ANO3: variants seen among roughly 807,000 people sequenced by gnomAD.
ANO3 encodes the protein anoctamin 3.
In ANO3, 99 loss-of-function variants were observed where a neutral mutation model predicts 144.8. The observed-to-expected ratio is 0.68, with a 90% CI of 0.58 to 0.81. ANO3 has a LOEUF of 0.81. Ranked by LOEUF, ANO3 falls within the 30% of genes least tolerant of loss-of-function variation. ANO3 has a pLI of 0.00. For synonymous variants in ANO3, 414 were observed against 392.6 expected, an observed-to-expected ratio of 1.05 and a Z score of -0.64; for missense variants, 905 against 1,202.2, an observed-to-expected ratio of 0.75 and a Z score of 3.66.
chr11:26,583,872 G>A (rs1851202086), intron 14 of ANO3, among the ~76,000 whole-genome samples: 1 of 152,082 alleles, frequency 6.6e-6, no homozygotes, highest in African/African-American at 2.4e-5. Context: ...GTTTCAACTG[G>A]GCCTTCTTTT....
At chr11:26,240,616 C>T (rs1460360965) in intron 1 of ANO3, among the ~76,000 whole-genome samples, 2 of 152,162 alleles carry the variant, frequency 1.3e-5, no homozygotes, top group East Asian at 3.9e-4. Context: ...TCAAGCTTTG[C>T]TAAAATGTAC....
intron 10 of ANO3, among the ~76,000 whole-genome samples, chr11:26,538,945 A>ATC (rs1849576958): frequency 1.3e-5 from 2 of 152,110 alleles, no homozygotes; most frequent in African/African-American, 4.8e-5. Context: ...GATTTGATTA[A>ATC]GGATAGTTCA....
chr11:26,598,207 A>C (rs904336026), intron 14 of ANO3, among the ~76,000 whole-genome samples, 158 bp from the exon 15 acceptor site: 1 of 152,192 alleles, frequency 6.6e-6, no homozygotes, highest in Non-Finnish European at 1.5e-5. Flanking sequence ...CTAATTAATG[A>C]TGTATAAACA....
At chr11:26,269,161 G>A (rs576667596) in intron 1 of ANO3, among the ~76,000 whole-genome samples, 1 of 152,210 alleles carries the variant, frequency 6.6e-6, no homozygotes, top group East Asian at 1.9e-4. Context: ...TACACTTCAG[G>A]ACTCAGCTCC....
chr11:26,449,874 C>G (rs933481966), intron 3 of ANO3, among the ~76,000 whole-genome samples: 5 of 151,978 alleles, frequency 3.3e-5, no homozygotes, highest in Admixed American at 3.3e-4. Context: ...CCTGCCTCAG[C>G]CTCCCGAGTA....
intron 4 of ANO3, among the ~76,000 whole-genome samples, chr11:26,469,939 T>A (rs561727827): frequency 3.1e-4 from 47 of 152,046 alleles, no homozygotes; most frequent in African/African-American, 1.1e-3. Flanking sequence ...CAGTATTAGG[T>A]TTTGTTGTAC....
intron 1 of ANO3, among the ~76,000 whole-genome samples, chr11:26,368,896 T>C (rs1856170274): frequency 6.6e-6 from 1 of 152,148 alleles, no homozygotes; most frequent in African/African-American, 2.4e-5. Context: ...ATGTTTATAA[T>C]ATGAATATAA....
chr11:26,501,382 T>C (rs1326224100), intron 4 of ANO3, among the ~76,000 whole-genome samples: 1 of 152,092 alleles, frequency 6.6e-6, no homozygotes, highest in Non-Finnish European at 1.5e-5. Flanking sequence ...ACCTACTAAA[T>C]GGGTATAGCA....
intron 1 of ANO3, among the ~76,000 whole-genome samples, chr11:26,243,153 GT>G (rs1852697673): frequency 6.6e-6 from 1 of 152,138 alleles, no homozygotes; most frequent in Non-Finnish European, 1.5e-5. Flanking sequence ...GATATGGCCA[GT>G]GAAATCTCTA....
chr11:26,601,184 A>G (rs1358462331), intron 17 of ANO3, among the ~76,000 whole-genome samples: 1 of 152,254 alleles, frequency 6.6e-6, no homozygotes, highest in East Asian at 1.9e-4. Context: ...GATAATTTAT[A>G]TGATATAGCT....
At chr11:26,447,076 G>A (rs566048021) in intron 3 of ANO3, among the ~76,000 whole-genome samples, 1 of 151,960 alleles carries the variant, frequency 6.6e-6, no homozygotes, top group East Asian at 1.9e-4. Flanking sequence ...AAGCACGGTG[G>A]CACGACTGTA....
In ANO3 at chr11:26,332,225, C is replaced by A; in HGVS notation, c.-51C>A. 6 of 1,613,988 alleles carry A rather than the reference C, an allele frequency of 3.7e-6. No homozygotes were observed. Among genetic ancestry groups the A allele is most frequent in the Non-Finnish European group, 5.1e-6 (6 of 1,179,986 alleles). The stretch of plus-strand genomic sequence containing the variant: ...GTCTAGAGTCTGGCTACTGTTCCTC[C>A]GCCTCCCTCTCGGGCAGCTCCCTAA... On this transcript the variant is annotated 5_prime_UTR_variant, in exon 1 of 27. Coordinates refer to ENST00000256737, the MANE Select transcript of ANO3 (RefSeq NM_031418.4).
Position 26,373,546 on chromosome 11 carries a change from A to G in ANO3, c.46+41225A>G, listed in dbSNP as rs60808576. On this transcript the variant is annotated intron_variant, in intron 1 of 26. Coordinates refer to ENST00000256737, the MANE Select transcript of ANO3 (RefSeq NM_031418.4). ...TTAGGTATTTCTTTATATCAGTGTG[A>G]AAACAGATGAATACATCAGGTAATA... Among the ~76,000 whole-genome samples, 27 of 152,316 alleles carry G rather than the reference A, an allele frequency of 1.8e-4. No homozygotes were observed. In the East Asian group the frequency reaches 5.0e-3, roughly 28 times the overall value.
At chr11:26,324,553 A>C (rs1854838367) in intron 1 of ANO3, among the ~76,000 whole-genome samples, 1 of 152,274 alleles carries the variant, frequency 6.6e-6, no homozygotes, top group Admixed American at 6.5e-5. Context: ...AGCCAAAATT[A>C]GTTATTAAAT....
chr11:26,417,540 C>A (rs1357679470), intron 1 of ANO3, among the ~76,000 whole-genome samples: 1 of 151,920 alleles, frequency 6.6e-6, no homozygotes, highest in East Asian at 1.9e-4. Context: ...TTTATTAGAG[C>A]AACAGAGTAT....
At chr11:26,391,232 A>G (rs542403071) in intron 1 of ANO3, among the ~76,000 whole-genome samples, 3 of 152,220 alleles carry the variant, frequency 2.0e-5, no homozygotes, top group Admixed American at 2.0e-4. Context: ...AGGGCATCAC[A>G]TGACGAAGGG....
At chr11:26,477,768 C>T (rs1860039469) in intron 4 of ANO3, among the ~76,000 whole-genome samples, 1 of 152,022 alleles carries the variant, frequency 6.6e-6, no homozygotes, top group South Asian at 2.1e-4. Flanking sequence ...ATTAGTGTGG[C>T]CTTCAAGAGT....
chr11:26,526,968 C>G (rs138003496), intron 7 of ANO3, among the ~76,000 whole-genome samples: 3,519 of 152,134 alleles, frequency 0.023, 62 homozygotes, highest in Non-Finnish European at 0.035. Context: ...TCTGCATATG[C>G]CTGCTTATTG....
intron 1 of ANO3, among the ~76,000 whole-genome samples, chr11:26,192,359 A>C (rs528926603): frequency 6.6e-6 from 1 of 152,294 alleles, no homozygotes; most frequent in South Asian, 2.1e-4. Context: ...GGTGATAGCC[A>C]AAGTAGAAGA....
Sources: allele counts gnomAD v4.1 joint callset (sites outside exome capture counted in the v4.1 genomes callset), GRCh38; gene constraint gnomAD v4.1.1; transcripts MANE v1.5; gene names NCBI Gene and HGNC (gene_info 2026-07-23, HGNC 2026-07-21).